ZNF74: variants seen among roughly 807,000 people sequenced by gnomAD.
The protein encoded by ZNF74 is zinc finger protein 520.
Under a neutral mutation model 17.7 loss-of-function variants are expected in ZNF74, and 12 were observed. The observed-to-expected ratio is 0.68, with a 90% CI of 0.43 to 1.10. The LOEUF is 1.10. ZNF74 is among the 50% of genes least tolerant of loss of function. The probability of loss-of-function intolerance (pLI) is 0.00; values close to 1 mark genes in which losing one functional copy is unlikely to be tolerated. For synonymous variants in ZNF74, 358 were observed against 362.1 expected, an observed-to-expected ratio of 0.99 and a Z score of 0.13; for missense variants, 811 against 881.0, an observed-to-expected ratio of 0.92 and a Z score of 1.01.
At chr22:20,394,695 T>C (rs1290781472) in intron 1 of ZNF74, 33 bp downstream of exon 1, 7 of 1,611,618 alleles carry the variant, frequency 4.3e-6, no homozygotes, top group African/African-American at 1.3e-5. Context: ...AGTATGTCTG[T>C]GGATTTGCAC....
At position 20,405,725 on chromosome 22, in the gene ZNF74, AG is replaced by A. The variant is rs1601279030; in HGVS notation, c.693del (p.Lys231AsnfsTer380). 1.6e-5 allele frequency: 25 copies of A among 1,603,576 alleles called. No homozygotes were observed. The highest frequency in any genetic ancestry group is 1.9e-5 in the Non-Finnish European group (22 of 1,175,532). ...ENASTPSEPE[K>X]FPQVRRQRGA... is the part of the protein sequence containing the mutation. ...GCCTCCACGCCAAGTGAGCCAGAAA[AG>A]TTCCCCCAGGTGCGCCGGCAGCGCG... On this transcript the variant is annotated frameshift_variant, in exon 5 of 5. Coordinates refer to ENST00000400451, the MANE Select transcript of ZNF74 (RefSeq NM_003426.4). LOFTEE classifies it low-confidence loss of function (END_TRUNC).
Position 20,397,311 on chromosome 22 carries a change from T to A in ZNF74, c.120+1893T>A, listed in dbSNP as rs140060754. On this transcript the variant is annotated intron_variant, in intron 2 of 4. Transcript: ENST00000400451. ...ATCCTTCATGCCTGCATGCCTCAGT[T>A]AGGGGTGTGTTCTCAGCATTTGTCC... Among the ~76,000 whole-genome samples, 14 of 152,324 alleles carry A rather than the reference T, an allele frequency of 9.2e-5. No homozygotes were observed. The East Asian group carries it at 2.7e-3, about 29-fold the overall frequency.
chr22:20,395,681 G>C (rs1040948074), intron 2 of ZNF74, among the ~76,000 whole-genome samples: 2 of 152,190 alleles, frequency 1.3e-5, no homozygotes, highest in Admixed American at 6.5e-5. Context: ...GCTGTGCTGG[G>C]AGCTCTGAGG....
chr22:20,404,934 G>C (rs535499909), intron 4 of ZNF74, among the ~76,000 whole-genome samples: 2 of 152,188 alleles, frequency 1.3e-5, no homozygotes, highest in South Asian at 2.1e-4. Flanking sequence ...AGCGAGACTC[G>C]GTCTCAAAAC....
At chr22:20,395,197 C>T (rs1275944253) in intron 1 of ZNF74, 136 bp from the exon 2 acceptor site, 2 of 635,172 alleles carry the variant, frequency 3.1e-6, no homozygotes, top group Non-Finnish European at 5.8e-6. Flanking sequence ...GTGCTAGCTA[C>T]TGGGGCTCGT....
Position 20,395,008 on chromosome 22 carries a change from C to T in ZNF74, c.35-325C>T, listed in dbSNP as rs575685934. Reference sequence around the variant, plus strand: ...GCTCAAGCGATCCGCCCGCCTCGGCCTCCCAAAGTGCTGGGATTACAGGCG... The same window carrying T: ...GCTCAAGCGATCCGCCCGCCTCGGCTTCCCAAAGTGCTGGGATTACAGGCG... On this transcript the variant is annotated intron_variant, in intron 1 of 4. Transcript: ENST00000400451. 911 of 443,406 alleles carry T rather than the reference C, an allele frequency of 2.1e-3. 2 individuals are homozygous for T. The highest frequency in any genetic ancestry group is 3.4e-3 in the Admixed American group (86 of 25,476). 27.5% of individuals were successfully genotyped at this position (443,406 alleles called of 1,614,324 possible).
intron 2 of ZNF74, chr22:20,399,411 TTA>T (rs1267617558): frequency 5.2e-6 from 1 of 193,598 alleles, no homozygotes; most frequent in East Asian, 1.8e-4. Flanking sequence ...TTTGCAGGGT[TTA>T]TCTTTTTCTA....
rs757114354 is a variant in ZNF74, at chr22:20,405,392, C to T, written c.359C>T (p.Ala120Val). 1.1e-4 allele frequency: 176 copies of T among 1,607,418 alleles called. No homozygotes were observed. Among genetic ancestry groups the T allele is most frequent in the Non-Finnish European group, 1.4e-4 (165 of 1,178,414 alleles). ...RGPCPEWELKAVPSQQQGICK... is the reference protein window; with the variant it reads ...RGPCPEWELKVVPSQQQGICK... ...TATCTTACAGAATGGGAGCTGAAGG[C>T]GGTGCCCTCTCAACAGCAGGGCATT... The change falls in exon 5 of 5, where the codon GCG (alanine) becomes GTG (valine). Residue 120 changes from alanine to valine, a missense_variant. Ala to Val is a moderately conservative substitution (Grantham distance 64). Transcript: ENST00000400451.
intron 2 of ZNF74, chr22:20,399,750 G>A (rs1016047130): frequency 6.2e-5 from 13 of 210,700 alleles, no homozygotes; most frequent in Non-Finnish European, 1.1e-4. Context: ...ACCCCACCCG[G>A]CCTTGCTATT....
In ZNF74 at chr22:20,406,036, A is replaced by T; in HGVS notation, c.1003A>T (p.Ser335Cys). Residue 335 changes from serine (S) to cysteine (C), a missense_variant, in exon 5 of 5, where the codon AGC becomes TGC. By Grantham distance (112) the Ser-to-Cys change is moderately radical (BLOSUM62 -1). Around this residue, in one of 3 missense-constraint regions of ZNF74, gnomAD observed 666 missense variants for 702.3 expected, o/e 0.95. Transcript: ENST00000400451. ...IHTGERPYKC[S>C]ACEKAFSCSS... is the part of the protein sequence containing the mutation. ...CACGGGCGAGCGGCCCTACAAGTGCAGCGCCTGCGAGAAGGCCTTCAGCTG... is the reference window on the plus strand; with the variant it reads ...CACGGGCGAGCGGCCCTACAAGTGCTGCGCCTGCGAGAAGGCCTTCAGCTG... 6.2e-7 allele frequency: 1 copy of T among 1,610,904 alleles called. No homozygotes were observed. Among genetic ancestry groups the T allele is most frequent in the Non-Finnish European group, 8.5e-7 (1 of 1,179,248 alleles).
intron 2 of ZNF74, among the ~76,000 whole-genome samples, chr22:20,398,465 G>A (rs956382624): frequency 1.3e-5 from 2 of 152,070 alleles, no homozygotes; most frequent in African/African-American, 4.8e-5. Context: ...ACCAGCCGAT[G>A]GACATTTAGG....
rs766452058 is a variant in ZNF74 at position 20,406,021 on chromosome 22, C to A, written c.988C>A (p.Arg330=). 84 of 1,595,050 alleles carry A rather than the reference C, an allele frequency of 5.3e-5. No individual in the cohort carries two copies. In the Admixed American group the frequency reaches 1.4e-3, roughly 27 times the overall value. The change falls in exon 5 of 5, where the codon CGG becomes AGG. Residue 330 remains arginine, a synonymous_variant. Transcript: ENST00000400451. ...NVHQRIHTGE[R]PYKCSACEKA... ...GCACCAGCGCATCCACACGGGCGAG[C>A]GGCCCTACAAGTGCAGCGCCTGCGA... is the stretch of plus-strand genomic sequence containing the variant.
Position 20,406,521 on chromosome 22 carries a change from C to G in ZNF74, c.1488C>G (p.Gly496=), listed in dbSNP as rs369292515. 116 of 1,613,900 alleles carry G rather than the reference C, an allele frequency of 7.2e-5. No individual in the cohort carries two copies. The highest frequency in any genetic ancestry group is 9.0e-5 in the Non-Finnish European group (106 of 1,180,008). The change falls in exon 5 of 5, where the codon GGC becomes GGG. Residue 496 remains glycine, a synonymous_variant. Coordinates refer to ENST00000400451, the MANE Select transcript of ZNF74 (RefSeq NM_003426.4). ...TCGTGCACCGGCGCATCCACACAGG[C>G]GAGAAGCCCTTCGACTGCAGCCAGT... ...YLIVHRRIHT[G]EKPFDCSQCW...
Position 20,394,333 on chromosome 22 carries a change from G to A in ZNF74, c.-296G>A, listed in dbSNP as rs1417817754. On this transcript the variant is annotated 5_prime_UTR_variant, in exon 1 of 5. Transcript: ENST00000400451. The stretch of plus-strand genomic sequence containing the variant: ...AGGCCTGGCCCTGGTCTCCGAGCGC[G>A]GGTTCGCCGGGAGGAGCGTGTGGCG... 1.4e-6 allele frequency: 1 copy of A among 695,756 alleles called. No homozygotes were observed. Among genetic ancestry groups the A allele is most frequent in the African/African-American group, 1.8e-5 (1 of 56,292 alleles). 43.1% of individuals were successfully genotyped at this position (695,756 alleles called of 1,614,324 possible).
Position 20,405,800 on chromosome 22 carries a change from C to T in ZNF74, c.767C>T (p.Ala256Val). 6.2e-7 allele frequency: 1 copy of T among 1,612,382 alleles called. No homozygotes were observed. The highest frequency in any genetic ancestry group is 8.5e-7 in the Non-Finnish European group (1 of 1,179,636). ...GEFVCGECGK[A>V]FRQSSSLTLH... Reference sequence around the variant, plus strand: ...TTCGTGTGCGGCGAGTGCGGGAAGGCGTTCCGCCAGAGCTCCTCCCTCACG... The same window carrying T: ...TTCGTGTGCGGCGAGTGCGGGAAGGTGTTCCGCCAGAGCTCCTCCCTCACG... The change falls in exon 5 of 5, where the codon GCG becomes GTG. Residue 256 changes from alanine to valine, a missense_variant. Coordinates refer to ENST00000400451, the MANE Select transcript of ZNF74 (RefSeq NM_003426.4).
intron 2 of ZNF74, chr22:20,399,846 C>A (rs977299203): frequency 1.3e-5 from 2 of 159,456 alleles, no homozygotes; most frequent in Non-Finnish European, 2.8e-5. Flanking sequence ...TTCTAATATA[C>A]TCTTAATTCC....
chr22:20,399,321 C>T (rs1192490547), intron 2 of ZNF74, among the ~76,000 whole-genome samples: 2 of 150,982 alleles, frequency 1.3e-5, no homozygotes, highest in Non-Finnish European at 2.9e-5. Flanking sequence ...GTAATATTCT[C>T]TTTGTCTCTG....
chr22:20,400,931 C>A, intron 3 of ZNF74, 173 bp downstream of exon 3: 1 of 739,412 alleles, frequency 1.4e-6, no homozygotes, highest in Non-Finnish European at 2.2e-6. Context: ...CGCCAGAAGT[C>A]CCCAAGGGAC....
chr22:20,405,413 G>A lies in ZNF74; in HGVS notation c.380G>A (p.Gly127Asp), dbSNP rs759399320. The A allele has an allele frequency of 1.2e-6, 2 of 1,613,066 alleles. No individual in the cohort carries two copies. Among genetic ancestry groups the A allele is most frequent in the East Asian group, 4.5e-5 (2 of 44,876 alleles). ...AAGGCGGTGCCCTCTCAACAGCAGG[G>A]CATTTGCAAAGAAGAACCGGCCCAG... is the stretch of plus-strand genomic sequence containing the variant. Reference protein sequence around the residue: ...ELKAVPSQQQGICKEEPAQEP... With the variant: ...ELKAVPSQQQDICKEEPAQEP... Residue 127 changes from glycine to aspartate, a missense_variant, in exon 5 of 5, where the codon GGC (glycine) becomes GAC (aspartate). This residue lies in a region of ZNF74 where 666 missense variants were observed against 702.3 expected (regional missense o/e 0.95). Transcript: ENST00000400451.
Sources: gnomAD v4.1 joint callset for allele counts (sites outside exome capture counted in the v4.1 genomes callset) on GRCh38, gnomAD v4.1.1 for gene constraint, gnomAD v4.1.1 regional missense constraint, MANE v1.5 for transcripts, NCBI Gene and HGNC (gene_info 2026-07-23, HGNC 2026-07-21) for gene names.